Variants in LIMCH1 observed in about 807,000 individuals in gnomAD.
LIMCH1 encodes LIM and calponin homology domains-containing protein 1.
LIMCH1 carries 113 observed loss-of-function variants against 176.5 expected under a neutral mutation model. That is an observed-to-expected ratio of 0.64 (90% confidence interval 0.55 to 0.75). The LOEUF (loss-of-function observed/expected upper bound fraction) is 0.75, where lower values mean the gene tolerates loss of function less well. Ranked by LOEUF, LIMCH1 falls within the 30% of genes least tolerant of loss-of-function variation. The pLI, the probability that LIMCH1 is intolerant of heterozygous loss-of-function variation, is 0.00. For synonymous variants in LIMCH1, 619 were observed against 645.9 expected (o/e 0.96, Z 0.63); for missense variants, 1,674 against 1,814.9 (o/e 0.92, Z 1.41).
At chr4:41,506,403 A>G (rs1161548446) in intron 2 of LIMCH1, among the ~76,000 whole-genome samples, 1 of 152,122 alleles carries the variant, frequency 6.6e-6, no homozygotes, top group Non-Finnish European at 1.5e-5. Context: ...TTGTGTGGAG[A>G]CATTTTATCA....
chr4:41,693,669 T>C (rs780399164), intron 31 of LIMCH1, among the ~76,000 whole-genome samples: 5 of 151,920 alleles, frequency 3.3e-5, no homozygotes, highest in Non-Finnish European at 7.4e-5. Context: ...TAAACTGGAC[T>C]TTTGCTTTTA....
chr4:41,580,186 C>T (rs746592182), intron 1 of LIMCH1, among the ~76,000 whole-genome samples: 2 of 152,034 alleles, frequency 1.3e-5, no homozygotes, highest in South Asian at 2.1e-4. Context: ...GTTTCGTGTC[C>T]GTTTTCAAAG....
In LIMCH1 at chr4:41,680,049, A is replaced by G; in HGVS notation, c.3563A>G (p.Glu1188Gly). ...CAGGACAAGCTGAAAGAAGAGTGGG[A>G]AAAGGCCCAAAAGGAGGTGGAAGAG... The part of the protein sequence containing the change: ...KEQDKLKEEW[E>G]KAQKEVEEEE... Residue 1188 changes from glutamate to glycine, a missense_variant, in exon 24 of 32, where the codon GAA becomes GGA. Glu to Gly is a moderately conservative substitution (Grantham distance 98). Coordinates refer to ENST00000503057, the MANE Select transcript of LIMCH1 (RefSeq NM_001330672.2). The G allele has an allele frequency of 1.2e-6, 2 of 1,608,068 alleles. No individual in the cohort carries two copies. The highest frequency in any genetic ancestry group is 1.7e-6 in the Non-Finnish European group (2 of 1,176,876).
chr4:41,575,236 A>C (rs1189421946), intron 1 of LIMCH1, among the ~76,000 whole-genome samples: 4 of 152,234 alleles, frequency 2.6e-5, no homozygotes, highest in African/African-American at 9.6e-5. Context: ...TTTTAAAGGC[A>C]TTGTGATTGA....
Position 41,650,629 on chromosome 4 carries a change from C to T in LIMCH1, c.3036+21C>T, listed in dbSNP as rs180972761. On this transcript the variant is annotated intron_variant, in intron 18 of 31. Coordinates refer to ENST00000503057, the MANE Select transcript of LIMCH1 (RefSeq NM_001330672.2). ...TCGCAGTAAGAACCAAACATTTCCC[C>T]GCCTCCCTTTGGGATAATTCCATGG... is the stretch of plus-strand genomic sequence containing the variant. 3.0e-4 allele frequency: 473 copies of T among 1,580,848 alleles called. 3 individuals are homozygous for T. The East Asian group carries it at 7.2e-3, about 24-fold the overall frequency.
chr4:41,415,031 C>A (rs773791031), intron 1 of LIMCH1, among the ~76,000 whole-genome samples: 1 of 152,090 alleles, frequency 6.6e-6, no homozygotes, highest in Non-Finnish European at 1.5e-5. Flanking sequence ...AATATAATAC[C>A]TGTTTCATAG....
chr4:41,399,682 A>C (rs1181940703), intron 1 of LIMCH1, among the ~76,000 whole-genome samples: 1 of 23,086 alleles, frequency 4.3e-5, no homozygotes, highest in African/African-American at 2.4e-4. Context: ...TGAGGTGGAT[A>C]CTCTTTTTTT....
At chr4:41,360,723 C>A, upstream of LIMCH1, 1 of 569,778 alleles carries the variant, frequency 1.8e-6, no homozygotes, top group Non-Finnish European at 2.7e-6. The surrounding 1 kb of genome is among the most constrained non-coding windows in gnomAD (Gnocchi z 4.5). Context: ...CGGCCGGGGG[C>A]GGGGAGAGGC....
intron 1 of LIMCH1, among the ~76,000 whole-genome samples, chr4:41,403,268 A>G (rs908322789): frequency 1.3e-5 from 2 of 152,038 alleles, no homozygotes; most frequent in African/African-American, 2.4e-5. Context: ...GATGCAAAGA[A>G]CTATGTTGCT....
chr4:41,654,278 T>C (rs1384089385), intron 18 of LIMCH1, among the ~76,000 whole-genome samples: 1 of 152,216 alleles, frequency 6.6e-6, no homozygotes, highest in Non-Finnish European at 1.5e-5. Flanking sequence ...ACTCTCATGA[T>C]GCTGGGCATG....
At position 41,613,140 on chromosome 4, in the gene LIMCH1, G is replaced by A. The variant is rs746168644; in HGVS notation, c.10-326G>A. The A allele has an allele frequency of 4.7e-6, 7 of 1,483,606 alleles. No homozygotes were observed. In the South Asian group the frequency reaches 8.5e-5, roughly 18 times the overall value. The allele number at this position is 1,483,606 out of a possible 1,614,324, so 91.9% of individuals were successfully genotyped here. ...TTCGTTTTTGTTTTGAACTATCATT[G>A]TACTGTTGTGAATCCAAACTTTGTG... On this transcript the variant is annotated intron_variant, in intron 4 of 31. Coordinates refer to ENST00000503057, the MANE Select transcript of LIMCH1 (RefSeq NM_001330672.2).
At chr4:41,494,612 T>G in intron 2 of LIMCH1, 1 of 1,582,600 alleles carries the variant, frequency 6.3e-7, no homozygotes, top group Non-Finnish European at 8.7e-7. Flanking sequence ...TGCGAGTAAG[T>G]ATAGCCTATA....
At chr4:41,415,944 T>G (rs2059894132) in intron 1 of LIMCH1, among the ~76,000 whole-genome samples, 1 of 151,234 alleles carries the variant, frequency 6.6e-6, no homozygotes, top group African/African-American at 2.4e-5. Flanking sequence ...GCCATTGCAC[T>G]CCAGCCTGGG....
chr4:41,557,546 C>CTGTGTGTGTG (rs34757433), intron 1 of LIMCH1, among the ~76,000 whole-genome samples: 5,258 of 147,784 alleles, frequency 0.036, 262 homozygotes, highest in African/African-American at 0.1. Flanking sequence ...TTTATTGCCT[C>CTGTGTGTGTG]TGTGTGTGTG....
chr4:41,607,684 T>C (rs947038284), intron 4 of LIMCH1, among the ~76,000 whole-genome samples: 1 of 152,244 alleles, frequency 6.6e-6, no homozygotes, highest in Non-Finnish European at 1.5e-5. Flanking sequence ...TCTGAGCAGC[T>C]ATTGGTTTCT....
At chr4:41,448,422 GC>G (rs1367704663) in intron 1 of LIMCH1, among the ~76,000 whole-genome samples, 3 of 152,260 alleles carry the variant, frequency 2.0e-5, no homozygotes, top group Non-Finnish European at 4.4e-5. Flanking sequence ...CAGGTTCAGG[GC>G]CTGAGCTTGT....
intron 1 of LIMCH1, among the ~76,000 whole-genome samples, chr4:41,379,457 A>G (rs2055296068): frequency 6.6e-6 from 1 of 152,182 alleles, no homozygotes; most frequent in Non-Finnish European, 1.5e-5. Flanking sequence ...ATATCTGCCA[A>G]CTTATCTGCC....
chr4:41,699,316 G>C lies in LIMCH1; in HGVS notation c.*2131G>C, dbSNP rs1352624076. Reference sequence around the variant, plus strand: ...GCTCATTGTACATGTATTGAAGCTAGAATCGAGTCAAGAAAAATAAAGCCC... The same window carrying C: ...GCTCATTGTACATGTATTGAAGCTACAATCGAGTCAAGAAAAATAAAGCCC... On this transcript the variant is annotated 3_prime_UTR_variant, in exon 32 of 32. Coordinates refer to ENST00000503057, the MANE Select transcript of LIMCH1 (RefSeq NM_001330672.2). The C allele has an allele frequency of 2.0e-5, 3 of 152,144 alleles. No individual in the cohort carries two copies. Among genetic ancestry groups the C allele is most frequent in the African/African-American group, 7.2e-5 (3 of 41,422 alleles). 9.4% of individuals were successfully genotyped at this position (152,144 alleles called of 1,614,324 possible). A position where few individuals can be genotyped will look rare whatever the true frequency, so the allele number is the denominator to read the frequency against.
intron 10 of LIMCH1, 82 bp from the exon 11 acceptor site, chr4:41,632,667 A>G: frequency 9.3e-7 from 1 of 1,074,320 alleles, no homozygotes; most frequent in East Asian, 2.6e-5. Flanking sequence ...TTAATCTTTC[A>G]GTCCCAAGGA....
Sources: gnomAD v4.1 joint callset for allele counts (sites outside exome capture counted in the v4.1 genomes callset) on GRCh38, gnomAD v4.1.1 for gene constraint, Gnocchi (gnomAD v3.1) non-coding constraint, MANE v1.5 for transcripts, NCBI Gene and HGNC (gene_info 2026-07-23, HGNC 2026-07-21) for gene names.